Variants in SEC23B observed in about 807,000 individuals in gnomAD.
The protein encoded by SEC23B is SEC23 homolog B, COPII component.
SEC23B carries 77 observed loss-of-function variants against 104.3 expected under a neutral mutation model. The observed-to-expected ratio is 0.74, with a 90% CI of 0.61 to 0.89. The LOEUF is 0.89. Ranked by LOEUF, SEC23B falls within the 40% of genes least tolerant of loss-of-function variation. The probability of loss-of-function intolerance (pLI) is 0.00; values close to 1 mark genes in which losing one functional copy is unlikely to be tolerated. For synonymous variants in SEC23B, 338 were observed against 332.5 expected (o/e 1.02, Z -0.18); for missense variants, 885 against 949.4 (o/e 0.93, Z 0.89).
intron 17 of SEC23B, among the ~76,000 whole-genome samples, chr20:18,553,423 T>C (rs1049436046): frequency 3.9e-5 from 6 of 152,230 alleles, no homozygotes; most frequent in African/African-American, 1.4e-4. Flanking sequence ...TGTAGCCTCT[T>C]TCTCCATTTT....
intron 1 of SEC23B, among the ~76,000 whole-genome samples, chr20:18,510,199 C>G (rs796795095): frequency 4.9e-4 from 75 of 152,276 alleles, no homozygotes; most frequent in African/African-American, 1.7e-3. Flanking sequence ...AAGACTTACC[C>G]TTGAGCAAGG....
intron 19 of SEC23B, among the ~76,000 whole-genome samples, chr20:18,557,560 T>C (rs914746141): frequency 2.6e-5 from 4 of 152,176 alleles, no homozygotes; most frequent in African/African-American, 9.7e-5. Flanking sequence ...AATATAATTA[T>C]GTTAAATATT....
At chr20:18,559,570 T>A (rs561698481) in intron 19 of SEC23B, among the ~76,000 whole-genome samples, 1 of 152,242 alleles carries the variant, frequency 6.6e-6, no homozygotes, top group East Asian at 1.9e-4. Flanking sequence ...AGGGCCACAG[T>A]TTTTCCTCTC....
At chr20:18,538,197 C>G (rs1434338768) in intron 12 of SEC23B, among the ~76,000 whole-genome samples, 1 of 151,754 alleles carries the variant, frequency 6.6e-6, no homozygotes, top group Non-Finnish European at 1.5e-5. Context: ...TGCCTCAGCT[C>G]CCAAAGTGTT....
chr20:18,519,475 G>A (rs760679880), intron 4 of SEC23B, among the ~76,000 whole-genome samples: 6 of 152,206 alleles, frequency 3.9e-5, no homozygotes, highest in South Asian at 4.1e-4. Flanking sequence ...AGCAGCTGCC[G>A]CACGGAGACA....
intron 17 of SEC23B, among the ~76,000 whole-genome samples, chr20:18,552,040 C>T (rs1159083732): frequency 6.6e-6 from 1 of 152,132 alleles, no homozygotes; most frequent in Admixed American, 6.5e-5. Flanking sequence ...GGAATGGCTC[C>T]TCTGAATTAT....
At chr20:18,550,137 A>T (rs1389091914) in intron 16 of SEC23B, among the ~76,000 whole-genome samples, 1 of 126,556 alleles carries the variant, frequency 7.9e-6, no homozygotes, top group African/African-American at 2.9e-5. Flanking sequence ...ATATAATATA[A>T]AATATTACTT....
In SEC23B at chr20:18,560,120, A is replaced by AT. The variant is rs1468601759; in HGVS notation, c.2215-530dup. 7.1e-4 allele frequency among the ~76,000 whole-genome samples: 108 copies of AT among 151,990 alleles called. 1 individual carries two copies. Among genetic ancestry groups the AT allele is most frequent in the Non-Finnish European group, 2.4e-4 (16 of 67,970 alleles). On this transcript the variant is annotated intron_variant, in intron 19 of 19. Coordinates refer to ENST00000650089, the MANE Select transcript of SEC23B (RefSeq NM_006363.6). ...ATTGTGTGTGTGTGTATATATATAT[A>AT]TATTTTTAATTTCTTTACAAAATTG...
chr20:18,514,571 GATGCAC>G (rs1346534313), intron 3 of SEC23B, among the ~76,000 whole-genome samples: 1 of 152,192 alleles, frequency 6.6e-6, no homozygotes, highest in Non-Finnish European at 1.5e-5. Flanking sequence ...ACTTTGGGGA[GATGCAC>G]CTCAACTTGT....
At chr20:18,552,530 C>G (rs1259574972) in intron 17 of SEC23B, among the ~76,000 whole-genome samples, 3 of 152,146 alleles carry the variant, frequency 2.0e-5, no homozygotes, top group Non-Finnish European at 2.9e-5. Context: ...ATATACAGCA[C>G]AGGCCGGGTG....
intron 12 of SEC23B, among the ~76,000 whole-genome samples, chr20:18,537,603 G>T (rs999844470): frequency 4.6e-5 from 7 of 152,164 alleles, no homozygotes; most frequent in African/African-American, 1.7e-4. Context: ...GGGGAAGGGG[G>T]GAGGAATAAC....
intron 12 of SEC23B, among the ~76,000 whole-genome samples, chr20:18,537,989 G>A (rs577657368): frequency 1.3e-5 from 2 of 151,816 alleles, no homozygotes; most frequent in East Asian, 1.9e-4. Context: ...ACCCAGGCAC[G>A]ATCTATCACC....
At position 18,559,093 on chromosome 20, in the gene SEC23B, G is replaced by A. The variant is rs762041740; in HGVS notation, c.2215-1558G>A. Among the ~76,000 whole-genome samples, 26 of 148,062 alleles carry A rather than the reference G, an allele frequency of 1.8e-4. 1 individual carries two copies. The highest frequency in any genetic ancestry group is 3.0e-4 in the Non-Finnish European group (20 of 66,810). On this transcript the variant is annotated intron_variant, in intron 19 of 19. Transcript: ENST00000650089. ...GAAGGTGGTTGGTGGGGGGGGTGTC[G>A]GGGGCACTGGTGGGCTCCATTACTG...
chr20:18,542,968 C>G, intron 13 of SEC23B, 51 bp from the exon 14 acceptor site: 1 of 1,610,274 alleles, frequency 6.2e-7, no homozygotes, highest in Non-Finnish European at 8.5e-7. Flanking sequence ...GGATGTCTGG[C>G]TTTCTGATCT....
chr20:18,538,274 G>A (rs1318579102), intron 12 of SEC23B, among the ~76,000 whole-genome samples: 1 of 145,628 alleles, frequency 6.9e-6, no homozygotes, highest in Non-Finnish European at 1.5e-5. Flanking sequence ...TTTTGAGACG[G>A]GGTCTCGCTC....
intron 9 of SEC23B, 39 bp from the exon 10 acceptor site, chr20:18,530,641 T>A (rs745763777): frequency 4.2e-5 from 67 of 1,608,110 alleles, no homozygotes; most frequent in South Asian, 2.1e-4. Context: ...TGGCTTTCAA[T>A]CTTCCTAATA....
At chr20:18,553,335 T>C (rs1463908131) in intron 17 of SEC23B, among the ~76,000 whole-genome samples, 1 of 152,242 alleles carries the variant, frequency 6.6e-6, no homozygotes, top group Non-Finnish European at 1.5e-5. Context: ...GTGAGCAGGC[T>C]ACAGAAGGAG....
chr20:18,547,727 T>G (rs1430490884), intron 15 of SEC23B, among the ~76,000 whole-genome samples: 1 of 152,114 alleles, frequency 6.6e-6, no homozygotes, highest in African/African-American at 2.4e-5. Context: ...CTCCTGGCCC[T>G]CCACCCCCAC....
At chr20:18,543,667 C>T (rs2060308907) in intron 14 of SEC23B, among the ~76,000 whole-genome samples, 1 of 152,126 alleles carries the variant, frequency 6.6e-6, no homozygotes, top group East Asian at 1.9e-4. Context: ...AAGTGGGCAG[C>T]CACTACTTGT....
Sources: gnomAD v4.1 joint callset for allele counts (sites outside exome capture counted in the v4.1 genomes callset) on GRCh38, gnomAD v4.1.1 for gene constraint, MANE v1.5 for transcripts, NCBI Gene and HGNC (gene_info 2026-07-23, HGNC 2026-07-21) for gene names.